SPA17: variants seen among roughly 807,000 people sequenced by gnomAD.
The protein encoded by SPA17 is sperm autoantigenic protein 17.
In SPA17, 7 loss-of-function variants were observed where a neutral mutation model predicts 13.8. The observed-to-expected ratio is 0.51, with a 90% confidence interval of 0.29 to 0.95. SPA17 has a LOEUF of 0.95. Among genes scored for constraint, SPA17 ranks in the 40% least tolerant of loss-of-function variants. The pLI, the probability that SPA17 is intolerant of heterozygous loss-of-function variation, is 0.08. For synonymous variants in SPA17, 61 were observed against 59.0 expected, an observed-to-expected ratio of 1.03 and a Z score of -0.16; for missense variants, 170 against 179.3, an observed-to-expected ratio of 0.95 and a Z score of 0.30.
At chr11:124,679,466 AAC>A (rs1476208878) in intron 2 of SPA17, among the ~76,000 whole-genome samples, 2 of 152,324 alleles carry the variant, frequency 1.3e-5, no homozygotes, top group East Asian at 3.9e-4. Context: ...GTGCAGGAAA[AAC>A]AACATACAAT....
chr11:124,694,146 T>C, intron 4 of SPA17, 157 bp from the exon 5 acceptor site: 1 of 881,710 alleles, frequency 1.1e-6, no homozygotes, highest in South Asian at 1.9e-5. Context: ...TGCCATTTGG[T>C]ACATATACAA....
At chr11:124,685,098 G>A (rs970705837) in intron 3 of SPA17, among the ~76,000 whole-genome samples, 2 of 152,254 alleles carry the variant, frequency 1.3e-5, no homozygotes, top group African/African-American at 4.8e-5. Flanking sequence ...TGGGGAAAAT[G>A]TCTCCAGGGT....
intron 3 of SPA17, among the ~76,000 whole-genome samples, chr11:124,684,828 C>T (rs1943562437): frequency 6.6e-6 from 1 of 152,158 alleles, no homozygotes; most frequent in South Asian, 2.1e-4. Context: ...GTCACTCTTA[C>T]TATGCAAAGA....
At chr11:124,675,550 G>T in intron 2 of SPA17, 132 bp downstream of exon 2, 1 of 953,524 alleles carries the variant, frequency 1.0e-6, no homozygotes. Flanking sequence ...AACAGTTCTT[G>T]CTCTTTGAAA....
intron 3 of SPA17, among the ~76,000 whole-genome samples, chr11:124,685,211 C>A (rs1204687296): frequency 2.0e-5 from 3 of 152,262 alleles, no homozygotes; most frequent in African/African-American, 4.8e-5. Context: ...TGTATGCAGC[C>A]TCGGGACATG....
At chr11:124,677,261 C>T (rs925003663) in intron 2 of SPA17, among the ~76,000 whole-genome samples, 5 of 152,118 alleles carry the variant, frequency 3.3e-5, no homozygotes, top group African/African-American at 1.2e-4. Context: ...AAAAAACAAT[C>T]ATTATGGACC....
At chr11:124,675,107 T>C in intron 1 of SPA17, 131 bp from the exon 2 acceptor site, 1 of 857,654 alleles carries the variant, frequency 1.2e-6, no homozygotes, top group Non-Finnish European at 1.7e-6. Context: ...ATGGATGGGC[T>C]TGGGTTGTGT....
intron 3 of SPA17, among the ~76,000 whole-genome samples, chr11:124,689,296 A>G (rs548687261): frequency 8.5e-5 from 13 of 152,326 alleles, no homozygotes; most frequent in East Asian, 3.9e-4. Context: ...AGGCAACAAA[A>G]ACAAAAATAG....
At position 124,689,691 on chromosome 11, in the gene SPA17, T is replaced by A. The variant is rs147079324; in HGVS notation, c.226-2005T>A. Reference sequence around the variant, plus strand: ...TACTTGGGAGGCTAAGGTGAGAGGATCACTTGAGCCCACAGGTCAAGGCTG... The same window carrying A: ...TACTTGGGAGGCTAAGGTGAGAGGAACACTTGAGCCCACAGGTCAAGGCTG... On this transcript the variant is annotated intron_variant, in intron 3 of 4. Coordinates refer to ENST00000227135, the MANE Select transcript of SPA17 (RefSeq NM_017425.4). Among the ~76,000 whole-genome samples, 20 of 151,010 alleles carry A rather than the reference T, an allele frequency of 1.3e-4. No individual in the cohort carries two copies. In the East Asian group the frequency reaches 3.9e-3, roughly 30 times the overall value.
intron 3 of SPA17, among the ~76,000 whole-genome samples, chr11:124,683,950 A>G (rs1158810044): frequency 6.6e-6 from 1 of 152,160 alleles, no homozygotes; most frequent in African/African-American, 2.4e-5. Context: ...AAAGTAACTG[A>G]TATCATTTGG....
At chr11:124,679,879 A>C (rs1181945667) in intron 2 of SPA17, among the ~76,000 whole-genome samples, 1 of 152,220 alleles carries the variant, frequency 6.6e-6, no homozygotes, top group African/African-American at 2.4e-5. Flanking sequence ...CAATAAGAAT[A>C]ATACGTGCAT....
At chr11:124,685,167 A>G (rs1029150959) in intron 3 of SPA17, among the ~76,000 whole-genome samples, 1 of 152,218 alleles carries the variant, frequency 6.6e-6, no homozygotes, top group Non-Finnish European at 1.5e-5. Flanking sequence ...GGAGGGAAAA[A>G]TGGTTTCCTC....
rs1166129046 is a variant in SPA17 at position 124,694,445 on chromosome 11, G to C, written c.455G>C (p.Ter152SerextTer10). 1 of 1,605,632 alleles carries C rather than the reference G, an allele frequency of 6.2e-7. No homozygotes were observed. Among genetic ancestry groups the C allele is most frequent in the Non-Finnish European group, 8.5e-7 (1 of 1,176,844 alleles). ...LQNEEKEENK[*>S] ...AATGAGGAAAAAGAGGAAAACAAGT[G>C]AGGACACTGGTTTTACCTCCAGGAA... is the stretch of plus-strand genomic sequence containing the variant. Residue 152 changes from the stop codon to serine, a stop_lost, in exon 5 of 5, where the codon TGA (stop) becomes TCA (serine). Coordinates refer to ENST00000227135, the MANE Select transcript of SPA17 (RefSeq NM_017425.4).
chr11:124,679,545 C>A (rs1271050141), intron 2 of SPA17, among the ~76,000 whole-genome samples: 1 of 152,110 alleles, frequency 6.6e-6, no homozygotes. Flanking sequence ...ATCAGTGTGA[C>A]CTCATGTTTT....
intron 1 of SPA17, 135 bp from the exon 2 acceptor site, chr11:124,675,102 TG>T: frequency 1.3e-6 from 1 of 773,068 alleles, no homozygotes; most frequent in African/African-American, 1.8e-5. Flanking sequence ...AAGAAATGGA[TG>T]GGCTTGGGTT....
chr11:124,675,223 TTAATG>T lies in SPA17; in HGVS notation c.-27-14_-27-10del. 6.3e-7 allele frequency: 1 copy of T among 1,592,350 alleles called. No individual in the cohort carries two copies. Among genetic ancestry groups the T allele is most frequent in the Non-Finnish European group, 8.5e-7 (1 of 1,172,392 alleles). On this transcript the variant is annotated splice_polypyrimidine_tract_variant and intron_variant, in intron 1 of 4. Coordinates refer to ENST00000227135, the MANE Select transcript of SPA17 (RefSeq NM_017425.4). Reference sequence around the variant, plus strand: ...CAGACAAATTTAAAGACAGTACTCTTTAATGAATCTTTAGGTTCCATAGGCAGTTC... The same window carrying T: ...CAGACAAATTTAAAGACAGTACTCTTAATCTTTAGGTTCCATAGGCAGTTC...
rs1193769640 is a variant in SPA17, at chr11:124,695,361, T to C, written c.*915T>C. On this transcript the variant is annotated 3_prime_UTR_variant, in exon 5 of 5. Transcript: ENST00000227135. ...GCAAAAGCTATCATATCATGCTGCC[T>C]TCTTCAGTTAAAACTTCCCAAGTTT... The C allele has an allele frequency of 2.0e-5, 3 of 152,228 alleles. No individual in the cohort carries two copies. The allele number at this position is 152,228 out of a possible 1,614,324, so 9.4% of individuals were successfully genotyped here.
At chr11:124,693,555 A>C (rs927804528) in intron 4 of SPA17, among the ~76,000 whole-genome samples, 1 of 152,150 alleles carries the variant, frequency 6.6e-6, no homozygotes, top group Non-Finnish European at 1.5e-5. Flanking sequence ...GTAGATACTC[A>C]ACTCATAATA....
chr11:124,692,269 A>G (rs1343699222), intron 4 of SPA17, among the ~76,000 whole-genome samples: 4 of 152,150 alleles, frequency 2.6e-5, no homozygotes, highest in Non-Finnish European at 5.9e-5. Context: ...TGCCTGATGT[A>G]CTACATCCAA....
Sources: gnomAD v4.1 joint callset for allele counts (sites outside exome capture counted in the v4.1 genomes callset) on GRCh38, gnomAD v4.1.1 for gene constraint, MANE v1.5 for transcripts, NCBI Gene and HGNC (gene_info 2026-07-23, HGNC 2026-07-21) for gene names.